The following CAMKMT variants were observed in gnomAD, a reference collection of about 807,000 sequenced individuals.
CAMKMT encodes the protein calmodulin-lysine N-methyltransferase.
In CAMKMT, 53 loss-of-function variants were observed where a neutral mutation model predicts 48.0. The observed-to-expected ratio is 1.10, with a 90% confidence interval of 0.89 to 1.39. The LOEUF is 1.39. CAMKMT is among the 40% of genes most tolerant of loss of function. The probability of loss-of-function intolerance (pLI) is 0.00; values close to 1 mark genes in which losing one functional copy is unlikely to be tolerated. For missense variants in CAMKMT, 428 were observed against 402.7 expected, an observed-to-expected ratio of 1.06 and a Z score of -0.54; for synonymous variants, 165 against 152.3, an observed-to-expected ratio of 1.08 and a Z score of -0.61.
chr2:44,574,456 A>T (rs1669093227), intron 3 of CAMKMT, among the ~76,000 whole-genome samples: 1 of 151,882 alleles, frequency 6.6e-6, no homozygotes, highest in Non-Finnish European at 1.5e-5. Context: ...GTTACAGGAG[A>T]TGGTTGGGGA....
intron 9 of CAMKMT, among the ~76,000 whole-genome samples, chr2:44,763,589 C>T (rs541268622): frequency 3.3e-5 from 5 of 152,292 alleles, no homozygotes; most frequent in African/African-American, 1.2e-4. Context: ...AACAAGGATA[C>T]AATGTGTGTC....
chr2:44,515,508 G>A (rs1670791426), intron 3 of CAMKMT, among the ~76,000 whole-genome samples: 1 of 152,188 alleles, frequency 6.6e-6, no homozygotes, highest in Non-Finnish European at 1.5e-5. Context: ...GTCAGTCACA[G>A]AGATCTTACT....
At chr2:44,484,551 A>AT (rs1669122423) in intron 3 of CAMKMT, among the ~76,000 whole-genome samples, 1 of 152,096 alleles carries the variant, frequency 6.6e-6, no homozygotes, top group African/African-American at 2.4e-5. Context: ...CCTCTACCTC[A>AT]TACCATATAC....
At chr2:44,376,269 C>G (rs1679680358) in intron 2 of CAMKMT, among the ~76,000 whole-genome samples, 1 of 151,972 alleles carries the variant, frequency 6.6e-6, no homozygotes, top group South Asian at 2.1e-4. Context: ...AAAAAATTAG[C>G]TGGACATGGT....
chr2:44,500,330 C>T (rs977559828), intron 3 of CAMKMT, among the ~76,000 whole-genome samples: 3 of 151,924 alleles, frequency 2.0e-5, no homozygotes, highest in Non-Finnish European at 4.4e-5. Flanking sequence ...CTCTTTTGAG[C>T]TTGTCTTATT....
intron 3 of CAMKMT, among the ~76,000 whole-genome samples, chr2:44,550,957 C>G (rs889544730): frequency 3.3e-5 from 5 of 152,110 alleles, no homozygotes; most frequent in African/African-American, 1.2e-4. Flanking sequence ...GTCCATCTAC[C>G]TAAACTTCTG....
chr2:44,625,205 A>T (rs1672410662), intron 3 of CAMKMT, among the ~76,000 whole-genome samples: 2 of 152,144 alleles, frequency 1.3e-5, no homozygotes, highest in Non-Finnish European at 2.9e-5. Context: ...GCTATGTAAT[A>T]GTATCTTATT....
chr2:44,557,237 G>T (rs1305234096), intron 3 of CAMKMT, among the ~76,000 whole-genome samples: 1 of 151,782 alleles, frequency 6.6e-6, no homozygotes, highest in Non-Finnish European at 1.5e-5. Context: ...TATCTCTGTG[G>T]GAGGATGGAG....
chr2:44,689,184 T>C (rs756293804), intron 3 of CAMKMT, among the ~76,000 whole-genome samples: 2 of 152,214 alleles, frequency 1.3e-5, no homozygotes, highest in African/African-American at 2.4e-5. Flanking sequence ...ATAACAATTA[T>C]TCCTAATACT....
intron 3 of CAMKMT, among the ~76,000 whole-genome samples, chr2:44,610,145 G>C (rs992583838): frequency 6.6e-6 from 1 of 152,140 alleles, no homozygotes; most frequent in Non-Finnish European, 1.5e-5. Context: ...TGTGTTCATT[G>C]AGAAGAGATT....
chr2:44,573,324 A>G (rs1478166370), intron 3 of CAMKMT, among the ~76,000 whole-genome samples: 1 of 151,954 alleles, frequency 6.6e-6, no homozygotes, highest in Non-Finnish European at 1.5e-5. Flanking sequence ...TATTATGAGT[A>G]GTAATGTCTT....
At chr2:44,700,528 A>G (rs1331468252) in intron 3 of CAMKMT, among the ~76,000 whole-genome samples, 1 of 152,180 alleles carries the variant, frequency 6.6e-6, no homozygotes, top group East Asian at 1.9e-4. Flanking sequence ...TGTTAAGTTT[A>G]TTAATTAGCC....
At chr2:44,439,559 C>T (rs1389569196) in intron 3 of CAMKMT, among the ~76,000 whole-genome samples, 1 of 152,030 alleles carries the variant, frequency 6.6e-6, no homozygotes, top group African/African-American at 2.4e-5. Flanking sequence ...CCAATATGGG[C>T]CGGGCGCAGT....
At chr2:44,416,773 C>G (rs1158431482) in intron 3 of CAMKMT, among the ~76,000 whole-genome samples, 1 of 151,712 alleles carries the variant, frequency 6.6e-6, no homozygotes, top group Non-Finnish European at 1.5e-5. Flanking sequence ...CAGGGTTTCA[C>G]TATGTTGGCC....
At chr2:44,569,613 C>G (rs1668800095) in intron 3 of CAMKMT, among the ~76,000 whole-genome samples, 1 of 152,110 alleles carries the variant, frequency 6.6e-6, no homozygotes, top group Admixed American at 6.6e-5. Context: ...AGTGTCCTGT[C>G]TTTCTCTCTT....
chr2:44,518,292 A>G (rs1670933210), intron 3 of CAMKMT, among the ~76,000 whole-genome samples: 1 of 152,192 alleles, frequency 6.6e-6, no homozygotes, highest in Admixed American at 6.5e-5. Flanking sequence ...ATTGCCTGCC[A>G]TGTGGCATAA....
At chr2:44,688,921 GA>G (rs764081192) in intron 3 of CAMKMT, among the ~76,000 whole-genome samples, 1 of 152,178 alleles carries the variant, frequency 6.6e-6, no homozygotes, top group Non-Finnish European at 1.5e-5. Flanking sequence ...TACTCTCCAG[GA>G]AACCTTGCAT....
intron 3 of CAMKMT, among the ~76,000 whole-genome samples, chr2:44,467,537 C>T (rs1250338486): frequency 8.7e-6 from 1 of 115,298 alleles, no homozygotes; most frequent in Non-Finnish European, 2.1e-5. Context: ...GAAACTCTGT[C>T]TCAGAAAAAA....
chr2:44,696,802 A>C (rs1249468653), intron 3 of CAMKMT, among the ~76,000 whole-genome samples: 1 of 152,174 alleles, frequency 6.6e-6, no homozygotes, highest in Non-Finnish European at 1.5e-5. Flanking sequence ...AGACTTTATA[A>C]AGATGAGAAA....
Sources: allele counts gnomAD v4.1 joint callset (sites outside exome capture counted in the v4.1 genomes callset), GRCh38; gene constraint gnomAD v4.1.1; transcripts MANE v1.5; gene names NCBI Gene and HGNC (gene_info 2026-07-23, HGNC 2026-07-21).